ANK1: variants seen among roughly 807,000 people sequenced by gnomAD.
ANK1 encodes the protein ankyrin-1.
ANK1 carries 51 observed loss-of-function variants against 210.4 expected under a neutral mutation model. The observed-to-expected ratio is 0.24, with a 90% CI of 0.19 to 0.31. The LOEUF is 0.31. ANK1 is among the 10% of genes least tolerant of loss of function. The pLI is 1.00. For synonymous variants in ANK1, 967 were observed against 1,025.9 expected, an observed-to-expected ratio of 0.94 and a Z score of 1.10; for missense variants, 2,051 against 2,504.4, an observed-to-expected ratio of 0.82 and a Z score of 3.86.
intron 39 of ANK1, chr8:41,665,223 A>G (rs1167621880): frequency 2.0e-6 from 3 of 1,522,098 alleles, no homozygotes; most frequent in Non-Finnish European, 2.6e-6. Flanking sequence ...TCTCGGCTGA[A>G]GCAGCCCGGC....
chr8:41,847,595 A>G (rs568752211), intron 1 of ANK1, among the ~76,000 whole-genome samples: 8 of 152,310 alleles, frequency 5.3e-5, no homozygotes, highest in Admixed American at 3.9e-4. Flanking sequence ...ACAGCTCGTG[A>G]AAGATTACTC....
At chr8:41,803,491 C>T (rs1330036087) in intron 1 of ANK1, 1 of 152,142 alleles carries the variant, frequency 6.6e-6, no homozygotes, top group African/African-American at 2.4e-5. Flanking sequence ...TCTCTGTAGA[C>T]AATTATTATT....
intron 13 of ANK1, among the ~76,000 whole-genome samples, chr8:41,716,164 T>C (rs11994013): frequency 6.6e-6 from 1 of 151,904 alleles, no homozygotes; most frequent in Non-Finnish European, 1.5e-5. Context: ...GGGATCAAGC[T>C]GATAATGTAC....
At chr8:41,811,949 T>G (rs190856245) in intron 1 of ANK1, among the ~76,000 whole-genome samples, 1 of 152,240 alleles carries the variant, frequency 6.6e-6, no homozygotes, top group Admixed American at 6.5e-5. Context: ...TCCATTCATC[T>G]GAATATTTAA....
At chr8:41,776,950 C>CA (rs1554615220) in intron 1 of ANK1, among the ~76,000 whole-genome samples, 1 of 152,260 alleles carries the variant, frequency 6.6e-6, no homozygotes, top group Non-Finnish European at 1.5e-5. Context: ...TAATACTTCA[C>CA]ACAGGGCTCA....
chr8:41,655,383 T>G lies in ANK1; in HGVS notation c.*407A>C. On this transcript the variant is annotated 3_prime_UTR_variant, in exon 43 of 43. Transcript: ENST00000289734. ...TTGGGAAAAAGTACCCTGTACGAAG[T>G]CAAAACAATTTAAAAAAAAAACCCC... The G allele has an allele frequency of 3.9e-6, 1 of 256,286 alleles. No individual in the cohort carries two copies. The highest frequency in any genetic ancestry group is 7.4e-6 in the Non-Finnish European group (1 of 135,226). The allele number at this position is 256,286 out of a possible 1,614,324, so 15.9% of individuals were successfully genotyped here. A position where few individuals can be genotyped will look rare whatever the true frequency, so the allele number is the denominator to read the frequency against.
chr8:41,702,825 TTG>T (rs145650992), intron 20 of ANK1, among the ~76,000 whole-genome samples: 5 of 151,742 alleles, frequency 3.3e-5, no homozygotes, highest in African/African-American at 9.7e-5. Flanking sequence ...GAGTCCACTT[TTG>T]TGTGTGTGTG....
chr8:41,785,355 G>T (rs1846129640), intron 1 of ANK1, among the ~76,000 whole-genome samples: 1 of 152,158 alleles, frequency 6.6e-6, no homozygotes, highest in Non-Finnish European at 1.5e-5. Context: ...GCAAGACCCT[G>T]TCTCTAAAAG....
intron 1 of ANK1, among the ~76,000 whole-genome samples, chr8:41,850,950 C>G (rs911643745): frequency 6.6e-6 from 1 of 152,174 alleles, no homozygotes; most frequent in Non-Finnish European, 1.5e-5. Context: ...CTAAGGGAGG[C>G]GGGGTGAGTC....
At position 41,743,963 on chromosome 8, in the gene ANK1, G is replaced by A. The variant is rs523026; in HGVS notation, c.130-9894C>T. Among the ~76,000 whole-genome samples the A allele has an allele frequency of 3.8e-3, 586 of 152,298 alleles. 3 individuals carry two copies. Among genetic ancestry groups the A allele is most frequent in the Non-Finnish European group, 6.6e-3 (446 of 68,024 alleles). Reference sequence around the variant, plus strand: ...TGCTGTCTCCACTAACAGGAACCAGGGATCTTTGGAGAAGTGCTGAGCCAG... The same window carrying A: ...TGCTGTCTCCACTAACAGGAACCAGAGATCTTTGGAGAAGTGCTGAGCCAG... On this transcript the variant is annotated intron_variant, in intron 2 of 42. Transcript: ENST00000289734.
At chr8:41,884,163 A>G (rs1053438786) in intron 1 of ANK1, among the ~76,000 whole-genome samples, 8 of 152,116 alleles carry the variant, frequency 5.3e-5, no homozygotes, top group Non-Finnish European at 1.0e-4. Flanking sequence ...CAGCCTGGGT[A>G]ATATGGTGAA....
intron 1 of ANK1, among the ~76,000 whole-genome samples, chr8:41,809,504 C>T (rs556918237): frequency 9.5e-4 from 144 of 152,290 alleles, no homozygotes; most frequent in Non-Finnish European, 1.7e-3. Flanking sequence ...TGGTGGCTCA[C>T]GCCTGTCACC....
At chr8:41,695,129 C>T (rs762397519) in intron 27 of ANK1, 48 bp downstream of exon 27, 157 of 1,612,702 alleles carry the variant, frequency 9.7e-5, no homozygotes, top group Middle Eastern at 3.3e-4. Context: ...CAACTCAAAC[C>T]CCTCTTCCGC....
Position 41,692,734 on chromosome 8 carries a change from A to T in ANK1, c.3772T>A (p.Cys1258Ser). 1.2e-6 allele frequency: 2 copies of T among 1,613,170 alleles called. No individual in the cohort carries two copies. The highest frequency in any genetic ancestry group is 1.7e-6 in the Non-Finnish European group (2 of 1,179,894). Residue 1258 changes from cysteine (C) to serine (S), a missense_variant, in exon 31 of 43, where the codon TGC becomes AGC. By Grantham distance (112) the Cys-to-Ser change is moderately radical (BLOSUM62 -1). Around this residue, in one of 6 missense-constraint regions of ANK1, gnomAD observed 1,413 missense variants for 1,707.4 expected, o/e 0.83. Coordinates refer to ENST00000289734, the MANE Select transcript of ANK1 (RefSeq NM_000037.4). ...ACTTTATCATCTGTCATGCAGTAGC[A>T]GCGCAGGCGCCCCTCTCGGGGGTCA... ...MNDPREGRLR[C>S]YCMTDDKVDK... is the part of the protein sequence containing the mutation.
intron 1 of ANK1, among the ~76,000 whole-genome samples, chr8:41,839,714 G>C (rs532541423): frequency 6.6e-6 from 1 of 152,274 alleles, no homozygotes; most frequent in East Asian, 1.9e-4. Flanking sequence ...GGGGTCATCT[G>C]TCAAGGTGGC....
At chr8:41,716,879 T>A (rs1827821559) in intron 13 of ANK1, 74 bp downstream of exon 13, 2 of 1,465,896 alleles carry the variant, frequency 1.4e-6, no homozygotes. Flanking sequence ...CCGCCTGGAA[T>A]GAGGATGGGT....
intron 1 of ANK1, among the ~76,000 whole-genome samples, chr8:41,792,547 G>A (rs759204127): frequency 1.3e-5 from 2 of 152,158 alleles, no homozygotes; most frequent in East Asian, 1.9e-4. Flanking sequence ...GACCTTGGTC[G>A]AAGCCAGGGA....
At chr8:41,814,830 A>G (rs1803074886) in intron 1 of ANK1, among the ~76,000 whole-genome samples, 1 of 152,098 alleles carries the variant, frequency 6.6e-6, no homozygotes, top group Non-Finnish European at 1.5e-5. Context: ...TAGGAATTGC[A>G]TGTAATAACG....
At chr8:41,820,907 G>A (rs941498299) in intron 1 of ANK1, among the ~76,000 whole-genome samples, 2 of 152,208 alleles carry the variant, frequency 1.3e-5, no homozygotes, top group Admixed American at 1.3e-4. Context: ...GGGAGGGCGA[G>A]GGGAGGAAAT....
Sources: gnomAD v4.1 joint callset for allele counts (sites outside exome capture counted in the v4.1 genomes callset) on GRCh38, gnomAD v4.1.1 for gene constraint, gnomAD v4.1.1 regional missense constraint, MANE v1.5 for transcripts, NCBI Gene and HGNC (gene_info 2026-07-23, HGNC 2026-07-21) for gene names.